Variants in DNHD1 observed in about 807,000 individuals in gnomAD.
DNHD1 encodes dynein heavy chain domain-containing protein 1.
Under a neutral mutation model 458.1 loss-of-function variants are expected in DNHD1, and 383 were observed. That is an observed-to-expected ratio of 0.84 (90% CI 0.77 to 0.91). DNHD1 has a LOEUF of 0.91. DNHD1 is among the 40% of genes least tolerant of loss of function. The probability of loss-of-function intolerance (pLI) is 0.00; values close to 1 mark genes in which losing one functional copy is unlikely to be tolerated. For missense variants in DNHD1, 5,336 were observed against 5,866.1 expected (o/e 0.91, Z 2.95); for synonymous variants, 2,203 against 2,376.9 (o/e 0.93, Z 2.13).
Position 6,570,798 on chromosome 11 carries a change from G to A in DNHD1, c.13286G>A (p.Arg4429Gln), listed in dbSNP as rs777224467. ...TCACCCGTGTGGGTTCCTGAGTCTC[G>A]AAGAGGCGCCCAGCTTGCGGAAAGG... ...RSSPVWVPES[R>Q]RGAQLAERRL... is the part of the protein sequence containing the mutation. The change falls in exon 42 of 43, where the codon CGA becomes CAA. Residue 4429 changes from arginine (R) to glutamine (Q), a missense_variant. Transcript: ENST00000254579. 4.2e-5 allele frequency: 67 copies of A among 1,613,622 alleles called. No individual in the cohort carries two copies. Among genetic ancestry groups the A allele is most frequent in the Non-Finnish European group, 5.3e-5 (63 of 1,179,770 alleles).
At chr11:6,544,518 T>C in intron 19 of DNHD1, 56 bp from the exon 20 acceptor site, 3 of 1,427,338 alleles carry the variant, frequency 2.1e-6, no homozygotes, top group Non-Finnish European at 2.9e-6. Flanking sequence ...TGGACTCCCC[T>C]GCAGAAGGTA....
chr11:6,537,715 G>A (rs888203872), intron 14 of DNHD1, among the ~76,000 whole-genome samples: 2 of 152,090 alleles, frequency 1.3e-5, no homozygotes, highest in Non-Finnish European at 2.9e-5. Context: ...GGCGGATCAC[G>A]AGGTCAGGAG....
At position 6,567,643 on chromosome 11, in the gene DNHD1, G is replaced by A. The variant is rs567423537; in HGVS notation, c.12134G>A (p.Arg4045His). 142 of 1,613,934 alleles carry A rather than the reference G, an allele frequency of 8.8e-5. No homozygotes were observed. Among genetic ancestry groups the A allele is most frequent in the Admixed American group, 1.2e-4 (7 of 60,028 alleles). Residue 4045 changes from arginine (R) to histidine (H), a missense_variant, in exon 36 of 43, where the codon CGC (arginine) becomes CAC (histidine). Arg to His is a conservative substitution (Grantham distance 29, BLOSUM62 0). This residue lies in a region of DNHD1 where 695 missense variants were observed against 804.2 expected (regional missense o/e 0.86). Transcript: ENST00000254579. ...LSLLQKLILW[R>H]VLRPECLAGA... ...CTCCTCCAGAAGCTGATCCTGTGGC[G>A]CGTTCTGCGACCTGAGTGCCTGGCA...
chr11:6,544,063 C>G, intron 18 of DNHD1, 58 bp from the exon 19 acceptor site: 1 of 1,514,730 alleles, frequency 6.6e-7, no homozygotes. Context: ...CTCCTCTTCT[C>G]TCCCCCAGCC....
Position 6,563,916 on chromosome 11 carries a change from G to A in DNHD1, c.10076G>A (p.Arg3359Gln), listed in dbSNP as rs1234155298. ...LLQQVEATLT[R>Q]EQARLGYYQF... ...CAGCAAGTGGAGGCAACACTCACTC[G>A]GGAGCAGGCCCGCCTGGGCTACTAC... The change falls in exon 31 of 43, where the codon CGG (arginine) becomes CAG (glutamine). Residue 3359 changes from arginine to glutamine, a missense_variant. Arg to Gln is a conservative substitution (Grantham distance 43). Transcript: ENST00000254579. The A allele has an allele frequency of 2.1e-5, 33 of 1,551,548 alleles. No homozygotes were observed. In the Admixed American group the frequency reaches 2.4e-4, roughly 11 times the overall value.
At chr11:6,558,758 G>A (rs898849866) in intron 26 of DNHD1, 65 bp downstream of exon 26, 5 of 1,523,242 alleles carry the variant, frequency 3.3e-6, no homozygotes, top group Admixed American at 3.9e-5. Flanking sequence ...TTATTACCTA[G>A]GTCAGTCTCT....
Position 6,570,760 on chromosome 11 carries a change from G to A in DNHD1, c.13248G>A (p.Ala4416=), listed in dbSNP as rs751539278. ...LRRQSRALLS[A]LQRSSPVWVP... is the part of the protein sequence containing the mutation. ...GCCAGAGTCGCGCTCTCTTGAGTGC[G>A]CTGCAGCGGAGTTCACCCGTGTGGG... The change falls in exon 42 of 43, where the codon GCG becomes GCA. Residue 4416 remains alanine (A), a synonymous_variant. Transcript: ENST00000254579. 11 of 1,612,238 alleles carry A rather than the reference G, an allele frequency of 6.8e-6. 1 individual carries two copies. The Admixed American group carries it at 1.2e-4, about 17-fold the overall frequency.
In DNHD1 at chr11:6,545,910, A is replaced by G; in HGVS notation, c.4971A>G (p.Arg1657=). Residue 1657 remains arginine (R), a synonymous_variant, in exon 21 of 43, where the codon AGA becomes AGG. Transcript: ENST00000254579. This position sits in a 1 kb window ranked among gnomAD's most constrained non-coding sequence, Gnocchi z 4.9. ...ACAATTACGAGTATCTGGGACCTAG[A>G]CTAGGGCCTCTACCCAGCCTACTGC... ...FLYNYEYLGP[R]LGPLPSLLPE... 1 of 1,551,798 alleles carries G rather than the reference A, an allele frequency of 6.4e-7. No individual in the cohort carries two copies.
Position 6,565,791 on chromosome 11 carries a change from C to G in DNHD1, c.10853C>G (p.Thr3618Arg). Residue 3618 changes from threonine (T) to arginine (R), a missense_variant, in exon 33 of 43, where the codon ACA (threonine) becomes AGA (arginine). By Grantham distance (71) the Thr-to-Arg change is moderately conservative. Around this residue, in one of 4 missense-constraint regions of DNHD1, gnomAD observed 695 missense variants for 804.2 expected, o/e 0.86. Transcript: ENST00000254579. ...GAGAGTAATGAGGCTGAGGACCAGA[C>G]AAAAGAGCAGAAGGCAGAGGAAAGA... ...SEESNEAEDQ[T>R]KEQKAEERKN... The G allele has an allele frequency of 6.4e-7, 1 of 1,551,260 alleles. No individual in the cohort carries two copies. The highest frequency in any genetic ancestry group is 1.2e-5 in the South Asian group (1 of 84,042).
chr11:6,509,995 T>C (rs1262767840), intron 6 of DNHD1, among the ~76,000 whole-genome samples: 1 of 152,216 alleles, frequency 6.6e-6, no homozygotes, highest in Non-Finnish European at 1.5e-5. Context: ...TGTGATCAGC[T>C]ACCTTACATT....
chr11:6,558,324 T>C, intron 25 of DNHD1, 27 bp downstream of exon 25: 1 of 1,544,000 alleles, frequency 6.5e-7, no homozygotes, highest in African/African-American at 1.4e-5. Flanking sequence ...CATATGCGAA[T>C]CTGCTCTGCT....
chr11:6,528,080 GGAAA>G (rs1166233818), intron 10 of DNHD1, among the ~76,000 whole-genome samples: 1 of 152,210 alleles, frequency 6.6e-6, no homozygotes, highest in Non-Finnish European at 1.5e-5. Flanking sequence ...ATTAAGAGGG[GGAAA>G]GAGTCAGGGC....
Position 6,539,219 on chromosome 11 carries a change from C to T in DNHD1, c.3326C>T (p.Ala1109Val), listed in dbSNP as rs1360111580. The T allele has an allele frequency of 2.7e-5, 42 of 1,548,484 alleles. No individual in the cohort carries two copies. Among genetic ancestry groups the T allele is most frequent in the African/African-American group, 4.1e-5 (3 of 72,954 alleles). The change falls in exon 17 of 43, where the codon GCC becomes GTC. Residue 1109 changes from alanine (A) to valine (V), a missense_variant and splice_region_variant. Ala to Val is a moderately conservative substitution (Grantham distance 64). Coordinates refer to ENST00000254579, the MANE Select transcript of DNHD1 (RefSeq NM_144666.3). Reference protein sequence around the residue: ...QSLNCQCLLRALGLGSLQTIE... With the variant: ...QSLNCQCLLRVLGLGSLQTIE... Reference sequence around the variant, plus strand: ...TCTGACTTGTTTTCTCTACCTCCAGCCCTTGGGCTGGGCAGTCTCCAAACT... The same window carrying T: ...TCTGACTTGTTTTCTCTACCTCCAGTCCTTGGGCTGGGCAGTCTCCAAACT...
intron 7 of DNHD1, among the ~76,000 whole-genome samples, chr11:6,512,642 A>G (rs932999420): frequency 1.3e-5 from 2 of 152,050 alleles, no homozygotes; most frequent in African/African-American, 2.4e-5. Context: ...TAAATAGTCA[A>G]ATTCCTTCCC....
chr11:6,534,299 A>G, intron 14 of DNHD1, 126 bp downstream of exon 14: 1 of 954,796 alleles, frequency 1.0e-6, no homozygotes, highest in Non-Finnish European at 1.5e-6. Context: ...ACACACCTTC[A>G]CTGGTGTCTT....
At chr11:6,525,166 G>C (rs1330190176) in intron 10 of DNHD1, among the ~76,000 whole-genome samples, 1 of 152,098 alleles carries the variant, frequency 6.6e-6, no homozygotes, top group African/African-American at 2.4e-5. Flanking sequence ...GAAAAGGAGA[G>C]GCAAGGTTAA....
intron 10 of DNHD1, among the ~76,000 whole-genome samples, chr11:6,525,064 T>G (rs183524986): frequency 6.6e-6 from 1 of 151,980 alleles, no homozygotes; most frequent in African/African-American, 2.4e-5. Flanking sequence ...GTGGTTTTCA[T>G]TTTTTTTGTT....
chr11:6,509,331 A>G (rs1157023663), intron 6 of DNHD1, 59 bp downstream of exon 6: 2 of 1,435,650 alleles, frequency 1.4e-6, no homozygotes, highest in East Asian at 4.6e-5. Context: ...ACTAAAGGTA[A>G]TAGTATGTTT....
At chr11:6,549,133 CTG>C in intron 24 of DNHD1, 200 bp downstream of exon 24, 1 of 627,958 alleles carries the variant, frequency 1.6e-6, no homozygotes, top group Non-Finnish European at 2.7e-6. Flanking sequence ...TGCTAAATCT[CTG>C]TGTCCAATCT....
Sources: allele counts gnomAD v4.1 joint callset (sites outside exome capture counted in the v4.1 genomes callset), GRCh38; gene constraint gnomAD v4.1.1; regional missense constraint gnomAD v4.1.1; non-coding constraint Gnocchi (gnomAD v3.1); transcripts MANE v1.5; gene names NCBI Gene and HGNC (gene_info 2026-07-23, HGNC 2026-07-21).